The following BRAF variants were observed in gnomAD, a reference collection of about 807,000 sequenced individuals.
BRAF encodes serine/threonine-protein kinase B-raf.
A neutral mutation model predicts 104.6 loss-of-function variants in BRAF; 16 were observed. The ratio of observed to expected loss-of-function variants is 0.15; its 90% CI spans 0.10 to 0.23. The LOEUF (loss-of-function observed/expected upper bound fraction) is 0.23, where lower values mean the gene tolerates loss of function less well. Ranked by LOEUF, BRAF falls within the 10% of genes least tolerant of loss-of-function variation. BRAF has a pLI of 1.00. For synonymous variants in BRAF, 310 were observed against 341.6 expected, an observed-to-expected ratio of 0.91 and a Z score of 1.02; for missense variants, 541 against 937.3, an observed-to-expected ratio of 0.58 and a Z score of 5.52.
At chr7:140,850,291 T>A (rs1809024144) in intron 1 of BRAF, 79 bp from the exon 2 acceptor site, 3 of 1,081,056 alleles carry the variant, frequency 2.8e-6, no homozygotes, top group Non-Finnish European at 4.2e-6. Context: ...GACAACTACA[T>A]CACAGTAACT....
rs777363183 is a variant in BRAF, at chr7:140,781,556, TCAC to T, written c.1552+17_1552+19del. 5.9e-5 allele frequency: 94 copies of T among 1,594,338 alleles called. No homozygotes were observed. Among genetic ancestry groups the T allele is most frequent in the Non-Finnish European group, 7.7e-5 (89 of 1,162,104 alleles). On this transcript the variant is annotated intron_variant, in intron 12 of 19. Coordinates refer to ENST00000644969, the MANE Select transcript of BRAF (RefSeq NM_001374258.1). ...TATCCTATTATGACTTGTCACAATG[TCAC>T]CACATTACATACTTACCATGCCACT... is the stretch of plus-strand genomic sequence containing the variant.
chr7:140,892,200 G>A (rs1367977149), intron 1 of BRAF, among the ~76,000 whole-genome samples: 4 of 152,076 alleles, frequency 2.6e-5, no homozygotes, highest in Admixed American at 2.6e-4. Flanking sequence ...AGGTTGCAGT[G>A]AGCCGAGATT....
chr7:140,757,315 G>C (rs1410252105), intron 14 of BRAF, among the ~76,000 whole-genome samples: 1 of 151,642 alleles, frequency 6.6e-6, no homozygotes, highest in Non-Finnish European at 1.5e-5. Context: ...TTTTGAGACA[G>C]AGTCTCACTC....
At chr7:140,912,545 C>T (rs911165759) in intron 1 of BRAF, among the ~76,000 whole-genome samples, 3 of 152,118 alleles carry the variant, frequency 2.0e-5, no homozygotes, top group Admixed American at 1.3e-4. Context: ...TATCATCATA[C>T]GCTCTTCTTT....
chr7:140,841,256 G>A (rs567598011), intron 2 of BRAF, among the ~76,000 whole-genome samples: 9 of 152,252 alleles, frequency 5.9e-5, no homozygotes, highest in Admixed American at 1.3e-4. Flanking sequence ...TGATGAGGAT[G>A]GAGAGAAACT....
intron 1 of BRAF, among the ~76,000 whole-genome samples, chr7:140,855,381 C>T (rs534801715): frequency 5.4e-4 from 82 of 152,194 alleles, no homozygotes; most frequent in African/African-American, 1.9e-3. Flanking sequence ...ACAGCTATTA[C>T]AGCCAAGCAA....
intron 1 of BRAF, among the ~76,000 whole-genome samples, chr7:140,915,716 A>G (rs779147927): frequency 5.9e-5 from 9 of 151,514 alleles, no homozygotes; most frequent in Non-Finnish European, 1.0e-4. Flanking sequence ...GATTACAGGC[A>G]TGAGCCACCG....
intron 1 of BRAF, among the ~76,000 whole-genome samples, chr7:140,881,135 T>C (rs546369157): frequency 2.6e-5 from 4 of 152,284 alleles, no homozygotes; most frequent in Admixed American, 1.3e-4. Context: ...CAGTAAACCA[T>C]GCTGTAAAAG....
At chr7:140,739,202 AC>A (rs1466277619) in intron 18 of BRAF, among the ~76,000 whole-genome samples, 1 of 152,072 alleles carries the variant, frequency 6.6e-6, no homozygotes, top group Non-Finnish European at 1.5e-5. Flanking sequence ...TTTTGTAATA[AC>A]AATAAGATAT....
intron 2 of BRAF, among the ~76,000 whole-genome samples, chr7:140,847,580 CA>C (rs1317609467): frequency 1.3e-5 from 2 of 150,336 alleles, no homozygotes; most frequent in Admixed American, 6.6e-5. Flanking sequence ...GATTCCATCT[CA>C]GGAGGAAAAA....
Position 140,834,724 on chromosome 7 carries a change from A to C in BRAF, c.389T>G (p.Val130Gly). 1 of 1,614,152 alleles carries C rather than the reference A, an allele frequency of 6.2e-7. No homozygotes were observed. The highest frequency in any genetic ancestry group is 8.5e-7 in the Non-Finnish European group (1 of 1,180,002). The change falls in exon 3 of 20, where the codon GTG (valine) becomes GGG (glycine). Residue 130 changes from valine to glycine, a missense_variant. This residue lies in a region of BRAF where 86 missense variants were observed against 133.9 expected (regional missense o/e 0.64). Coordinates refer to ENST00000644969, the MANE Select transcript of BRAF (RefSeq NM_001374258.1). The stretch of plus-strand genomic sequence containing the variant: ...AAAAACTGAAAGAGATGAAGGTAGC[A>C]CTGAAAGGCTAGAAGAGGAAGAAGA... The part of the protein sequence containing the change: ...VTSSSSSSLS[V>G]LPSSLSVFQN...
intron 8 of BRAF, 71 bp from the exon 9 acceptor site, chr7:140,787,655 T>G (rs1801529454): frequency 3.9e-6 from 5 of 1,283,824 alleles, no homozygotes; most frequent in Non-Finnish European, 5.6e-6. Flanking sequence ...AACACTGAAT[T>G]TTCCACTAAC....
rs529156279 is a variant in BRAF, at chr7:140,919,370, T to C, written c.138+5196A>G. 4.6e-5 allele frequency among the ~76,000 whole-genome samples: 7 copies of C among 152,238 alleles called. No homozygotes were observed. The South Asian group carries it at 1.5e-3, about 32-fold the overall frequency. ...AATTGAGTTCAAAGCAATTTTTATA[T>C]TCTACATCACCAGGGCCCAGAAAAA... On this transcript the variant is annotated intron_variant, in intron 1 of 19. Coordinates refer to ENST00000644969, the MANE Select transcript of BRAF (RefSeq NM_001374258.1).
intron 19 of BRAF, among the ~76,000 whole-genome samples, chr7:140,730,005 G>T (rs1267181904): frequency 6.6e-6 from 1 of 151,758 alleles, no homozygotes; most frequent in African/African-American, 2.4e-5. Flanking sequence ...TTGGTGTTGA[G>T]GGGAAAAAAA....
intron 1 of BRAF, among the ~76,000 whole-genome samples, chr7:140,918,955 C>T (rs545539713): frequency 7.9e-5 from 12 of 151,682 alleles, no homozygotes; most frequent in Non-Finnish European, 1.5e-4. Flanking sequence ...CTGGCCAACA[C>T]GGTGAAACCC....
At chr7:140,739,417 T>C (rs1704852545) in intron 18 of BRAF, among the ~76,000 whole-genome samples, 1 of 151,950 alleles carries the variant, frequency 6.6e-6, no homozygotes, top group Non-Finnish European at 1.5e-5. Flanking sequence ...TTTCTAAATA[T>C]TATTTAACAT....
downstream of BRAF, among the ~76,000 whole-genome samples, chr7:140,717,695 C>A (rs1795164520): frequency 6.6e-6 from 1 of 152,082 alleles, no homozygotes; most frequent in Non-Finnish European, 1.5e-5. Context: ...TTATAATAAC[C>A]AAAGTGTCCA....
intron 3 of BRAF, among the ~76,000 whole-genome samples, chr7:140,833,201 A>C (rs1005879291): frequency 6.6e-6 from 1 of 152,088 alleles, no homozygotes; most frequent in African/African-American, 2.4e-5. Context: ...AGTTAAACTT[A>C]ATCATTAGGT....
chr7:140,732,242 A>T (rs1255249868), intron 19 of BRAF: 5 of 136,950 alleles, frequency 3.7e-5, no homozygotes, highest in Non-Finnish European at 7.7e-5. Context: ...AAAAAAAAAA[A>T]GAGGGCTCAG....
Sources: allele counts gnomAD v4.1 joint callset (sites outside exome capture counted in the v4.1 genomes callset), GRCh38; gene constraint gnomAD v4.1.1; regional missense constraint gnomAD v4.1.1; transcripts MANE v1.5; gene names NCBI Gene and HGNC (gene_info 2026-07-23, HGNC 2026-07-21).